Variants in KATNIP observed in about 807,000 individuals in gnomAD.
The protein encoded by KATNIP is katanin interacting protein, also known as katanin-interacting protein.
A neutral mutation model predicts 174.0 loss-of-function variants in KATNIP; 126 were observed. The observed-to-expected ratio is 0.72, with a 90% confidence interval of 0.63 to 0.84. The LOEUF (loss-of-function observed/expected upper bound fraction) is 0.84. KATNIP is among the 40% of genes least tolerant of loss of function. KATNIP has a pLI of 0.00. For missense variants in KATNIP, 1,958 were observed against 2,109.7 expected (o/e 0.93, Z 1.41); for synonymous variants, 810 against 835.7 (o/e 0.97, Z 0.53).
intron 4 of KATNIP, among the ~76,000 whole-genome samples, chr16:27,630,186 C>G (rs1337618946): frequency 1.3e-5 from 2 of 152,130 alleles, no homozygotes; most frequent in South Asian, 2.1e-4. Flanking sequence ...TTGAATGAAC[C>G]CTGTTCTGCC....
chr16:27,714,669 C>T (rs568762945), intron 13 of KATNIP, among the ~76,000 whole-genome samples: 2 of 151,948 alleles, frequency 1.3e-5, no homozygotes, highest in African/African-American at 4.8e-5. Context: ...AAAAGGATTA[C>T]AAGAGAAAAT....
intron 2 of KATNIP, among the ~76,000 whole-genome samples, chr16:27,599,523 C>T (rs1400298520): frequency 6.6e-6 from 1 of 152,186 alleles, no homozygotes; most frequent in Admixed American, 6.5e-5. Flanking sequence ...TCCAATGATG[C>T]AGGCCAGAAA....
chr16:27,738,989 C>T (rs2081001657), intron 14 of KATNIP, among the ~76,000 whole-genome samples: 1 of 150,256 alleles, frequency 6.7e-6, no homozygotes, highest in African/African-American at 2.5e-5. Context: ...AGAAGACTCC[C>T]ATGATCTGAT....
intron 14 of KATNIP, among the ~76,000 whole-genome samples, chr16:27,725,477 A>T (rs2080411348): frequency 6.6e-6 from 1 of 152,190 alleles, no homozygotes; most frequent in Non-Finnish European, 1.5e-5. Flanking sequence ...GGAGGATGTG[A>T]TAACATGTGT....
chr16:27,775,648 G>A (rs555381694), intron 24 of KATNIP, among the ~76,000 whole-genome samples: 2 of 152,346 alleles, frequency 1.3e-5, no homozygotes, highest in South Asian at 4.1e-4. Flanking sequence ...GAGAAGACGT[G>A]GTTGGTTGTG....
chr16:27,665,305 A>G (rs1054979796), intron 6 of KATNIP, among the ~76,000 whole-genome samples: 4 of 151,690 alleles, frequency 2.6e-5, no homozygotes, highest in Non-Finnish European at 5.9e-5. Flanking sequence ...GGGTTTCACC[A>G]TGTTGGCCGT....
chr16:27,657,757 A>T (rs1236216858), intron 6 of KATNIP, among the ~76,000 whole-genome samples: 2 of 152,158 alleles, frequency 1.3e-5, no homozygotes, highest in African/African-American at 4.8e-5. Context: ...TAAAAATACA[A>T]AAATTAGCTG....
In KATNIP at chr16:27,648,626, A is replaced by G; in HGVS notation, c.431A>G (p.Glu144Gly). The G allele has an allele frequency of 1.2e-6, 2 of 1,614,210 alleles. No homozygotes were observed. Among genetic ancestry groups the G allele is most frequent in the African/African-American group, 1.3e-5 (1 of 75,056 alleles). Residue 144 changes from glutamate (E) to glycine (G), a missense_variant, in exon 6 of 28, where the codon GAA becomes GGA. Transcript: ENST00000261588. ...WHQKSVQIRT[E>G]AGPRLHIEPP... ...CAGAAATCTGTGCAGATCAGAACAGAAGCTGGCCCACGGCTCCACATCGAA... is the reference window on the plus strand; with the variant it reads ...CAGAAATCTGTGCAGATCAGAACAGGAGCTGGCCCACGGCTCCACATCGAA...
rs372796423 is a variant in KATNIP at position 27,566,895 on chromosome 16, C to CT, written c.8-6997dup. Among the ~76,000 whole-genome samples, 62 of 151,848 alleles carry CT rather than the reference C, an allele frequency of 4.1e-4. 1 individual carries two copies. The highest frequency in any genetic ancestry group is 1.1e-3 in the Admixed American group (17 of 15,244). ...ACAACCCATCTGCACCTTCCTTTAT[C>CT]TTTTTTTTTCTTTTTCTTTTTCCTT... On this transcript the variant is annotated intron_variant, in intron 1 of 27. Transcript: ENST00000261588.
At chr16:27,575,177 C>T in intron 2 of KATNIP, among the ~76,000 whole-genome samples, 1 of 152,200 alleles carries the variant, frequency 6.6e-6, no homozygotes. Context: ...AACCAGTCAC[C>T]TGACTCTTCC....
rs1253553686 is a variant in KATNIP, at chr16:27,650,589, A to ATCGC, written c.540+1856_540+1859dup. Among the ~76,000 whole-genome samples, 26 of 152,288 alleles carry ATCGC rather than the reference A, an allele frequency of 1.7e-4. No individual in the cohort carries two copies. The East Asian group carries it at 4.4e-3, about 26-fold the overall frequency. ...CAAAGGCAGAGTCTTGCTTCTACGT[A>ATCGC]TCGCTTTTATGAAGTGAGAAGGACT... On this transcript the variant is annotated intron_variant, in intron 6 of 27. Transcript: ENST00000261588.
intron 2 of KATNIP, among the ~76,000 whole-genome samples, chr16:27,585,821 G>A (rs927028656): frequency 2.0e-5 from 3 of 152,176 alleles, no homozygotes; most frequent in Non-Finnish European, 2.9e-5. Context: ...AGAAAGAATG[G>A]CTGGGTGCAG....
rs2081036461 is a variant in KATNIP at position 27,739,910 on chromosome 16, T to A, written c.1744-131T>A. On this transcript the variant is annotated intron_variant, in intron 14 of 27. Transcript: ENST00000261588. ...AAGCCTAGTTTCACACCCCCAGCAC[T>A]GTGGTTTTCAAAAGCTTGCATTTCT... 15 of 929,582 alleles carry A rather than the reference T, an allele frequency of 1.6e-5. No homozygotes were observed. The South Asian group carries it at 2.6e-4, about 16-fold the overall frequency. The allele number at this position is 929,582 out of a possible 1,614,324, so 57.6% of individuals were successfully genotyped here.
rs530203064 is a variant in KATNIP at position 27,589,433 on chromosome 16, T to C, written c.63+15477T>C. On this transcript the variant is annotated intron_variant, in intron 2 of 27. Coordinates refer to ENST00000261588, the MANE Select transcript of KATNIP (RefSeq NM_015202.5). ...GTAAATGAGCATGGCTGTGTTCCAGTAAAACTTTATTTGCAAAAATAAGTG... is the reference window on the plus strand; with the variant it reads ...GTAAATGAGCATGGCTGTGTTCCAGCAAAACTTTATTTGCAAAAATAAGTG... 9.2e-5 allele frequency among the ~76,000 whole-genome samples: 14 copies of C among 152,358 alleles called. No individual in the cohort carries two copies. The South Asian group carries it at 2.9e-3, about 32-fold the overall frequency.
chr16:27,608,379 C>CACT (rs2075780184), intron 2 of KATNIP, among the ~76,000 whole-genome samples: 1 of 147,968 alleles, frequency 6.8e-6, no homozygotes. Flanking sequence ...TACGGGTGCA[C>CACT]GCCACCATGA....
chr16:27,777,202 G>A lies in KATNIP; in HGVS notation c.4551+173G>A, dbSNP rs1203467743. ...CCACCCAACCATGAATTCAGAACCT[G>A]CTGGCAGTGATTTCAGTGTCACCCT... On this transcript the variant is annotated intron_variant, in intron 25 of 27. Transcript: ENST00000261588. The surrounding 1 kb of genome is among the most constrained non-coding windows in gnomAD (Gnocchi z 4.4). 6.6e-6 allele frequency among the ~76,000 whole-genome samples: 1 copy of A among 152,174 alleles called. No homozygotes were observed. Among genetic ancestry groups the A allele is most frequent in the Non-Finnish European group, 1.5e-5 (1 of 68,040 alleles).
At position 27,566,571 on chromosome 16, in the gene KATNIP, G is replaced by C. The variant is rs1229960260; in HGVS notation, c.8-7330G>C. Among the ~76,000 whole-genome samples, 3 of 151,994 alleles carry C rather than the reference G, an allele frequency of 2.0e-5. No homozygotes were observed. The East Asian group carries it at 5.8e-4, about 29-fold the overall frequency. ...GAAGTTGAAATGGGGGTATGGGGGT[G>C]GGGGTAGTAATGACAGGGAGTGCTC... is the stretch of plus-strand genomic sequence containing the variant. On this transcript the variant is annotated intron_variant, in intron 1 of 27. Transcript: ENST00000261588.
intron 15 of KATNIP, among the ~76,000 whole-genome samples, chr16:27,745,643 A>C (rs1414335971): frequency 6.6e-6 from 1 of 152,174 alleles, no homozygotes; most frequent in Non-Finnish European, 1.5e-5. Flanking sequence ...CACATACCTC[A>C]TGGCAGTGCA....
intron 6 of KATNIP, chr16:27,654,537 C>G: frequency 7.7e-7 from 1 of 1,290,584 alleles, no homozygotes; most frequent in South Asian, 1.2e-5. Context: ...AACAGAAGAG[C>G]GAGGCCCCAG....
Sources: gnomAD v4.1 joint callset for allele counts (sites outside exome capture counted in the v4.1 genomes callset) on GRCh38, gnomAD v4.1.1 for gene constraint, Gnocchi (gnomAD v3.1) non-coding constraint, MANE v1.5 for transcripts, NCBI Gene and HGNC (gene_info 2026-07-23, HGNC 2026-07-21) for gene names.